Variants in DNAH11 observed in about 807,000 individuals in gnomAD.
DNAH11 encodes the protein dynein axonemal heavy chain 11.
DNAH11 carries 442 observed loss-of-function variants against 526.0 expected under a neutral mutation model. The observed-to-expected ratio is 0.84, with a 90% CI of 0.78 to 0.91. The LOEUF is 0.91. Among genes scored for constraint, DNAH11 ranks in the 40% least tolerant of loss-of-function variants. The pLI is 0.00. For missense variants in DNAH11, 6,989 were observed against 5,448.7 expected (o/e 1.28, Z -8.90); for synonymous variants, 2,461 against 1,935.9 (o/e 1.27, Z -7.12).
chr7:21,591,709 A>C, intron 14 of DNAH11, 132 bp downstream of exon 14: 1 of 912,326 alleles, frequency 1.1e-6, no homozygotes, highest in Non-Finnish European at 1.5e-6. Context: ...ATTATTAGGC[A>C]TTTAAAGTGG....
At position 21,559,768 on chromosome 7, in the gene DNAH11, A is replaced by G. The variant is rs185273259; in HGVS notation, c.858A>G (p.Glu286=). 1,538 of 1,603,446 alleles carry G rather than the reference A, an allele frequency of 9.6e-4. 16 individuals carry two copies. The African/African-American group carries it at 0.019, about 20-fold the overall frequency. ...AELDFWMMRR[E]NLSCIYDQLQ... ...TAGATTTCTGGATGATGAGGAGAGA[A>G]AATCTGTCATGCATTTATGATCAAG... Residue 286 remains glutamate, a synonymous_variant, in exon 4 of 82, where the codon GAA becomes GAG. Transcript: ENST00000409508.
chr7:21,823,135 C>T (rs777341264), intron 65 of DNAH11, among the ~76,000 whole-genome samples: 1 of 151,872 alleles, frequency 6.6e-6, no homozygotes, highest in African/African-American at 2.4e-5. Flanking sequence ...GATGTAATCC[C>T]ATTTGTATAT....
Position 21,901,576 on chromosome 7 carries a change from AAAAAGTACATCAT to A in DNAH11, c.*337_*349del, listed in dbSNP as rs768893569. 376 of 188,104 alleles carry A rather than the reference AAAAAGTACATCAT, an allele frequency of 2.0e-3. 1 individual carries two copies. Among genetic ancestry groups the A allele is most frequent in the African/African-American group, 6.6e-3 (285 of 42,868 alleles). 11.7% of individuals were successfully genotyped at this position (188,104 alleles called of 1,614,324 possible). On this transcript the variant is annotated 3_prime_UTR_variant, in exon 82 of 82. Coordinates refer to ENST00000409508, the MANE Select transcript of DNAH11 (RefSeq NM_001277115.2). ...AGAACAAGACTCCATCTCAAAAAAA[AAAAAGTACATCAT>A]AAAAGTACATCATATGTGAACATGC...
rs542461023 is a variant in DNAH11 at position 21,763,377 on chromosome 7, A to G, written c.8941-2051A>G. 5.3e-4 allele frequency among the ~76,000 whole-genome samples: 80 copies of G among 151,572 alleles called. 1 individual carries two copies. Among genetic ancestry groups the G allele is most frequent in the African/African-American group, 1.9e-3 (78 of 41,392 alleles). On this transcript the variant is annotated intron_variant, in intron 54 of 81. Coordinates refer to ENST00000409508, the MANE Select transcript of DNAH11 (RefSeq NM_001277115.2). ...AAAAAGAAAAAAAAAAAGACTTACA[A>G]ATATCCAACAGGTATAGGAAAAGAT...
intron 2 of DNAH11, among the ~76,000 whole-genome samples, chr7:21,550,372 G>A (rs6975556): frequency 0.66 from 100,789 of 151,842 alleles, 35,299 homozygotes; most frequent in East Asian, 0.95. Context: ...CCTAAGGGAT[G>A]ACAGGGTGGA....
At chr7:21,626,116 T>C (rs907002078) in intron 25 of DNAH11, among the ~76,000 whole-genome samples, 2 of 152,166 alleles carry the variant, frequency 1.3e-5, no homozygotes, top group African/African-American at 4.8e-5. Flanking sequence ...CAATAGATTA[T>C]TGTAAACTGT....
chr7:21,611,992 A>G (rs1056058809), intron 20 of DNAH11, among the ~76,000 whole-genome samples: 3 of 152,196 alleles, frequency 2.0e-5, no homozygotes, highest in Non-Finnish European at 4.4e-5. Flanking sequence ...CTCTGGTGAA[A>G]TCATCAAGGG....
Position 21,743,417 on chromosome 7 carries a change from T to A in DNAH11, c.8155-1021T>A, listed in dbSNP as rs372378296. Among the ~76,000 whole-genome samples, 221 of 152,312 alleles carry A rather than the reference T, an allele frequency of 1.5e-3. 1 individual carries two copies. Among genetic ancestry groups the A allele is most frequent in the African/African-American group, 4.9e-3 (205 of 41,578 alleles). On this transcript the variant is annotated intron_variant, in intron 49 of 81. Transcript: ENST00000409508. ...GACTTAGGAAATTCTGAAGGGGAAA[T>A]TGAAAGTCTGGAATTATTTTTTTAA...
intron 45 of DNAH11, among the ~76,000 whole-genome samples, chr7:21,733,110 G>C (rs924933833): frequency 6.6e-6 from 1 of 152,230 alleles, no homozygotes; most frequent in African/African-American, 2.4e-5. Context: ...GGGAAGGCCA[G>C]GTGCAGTGAC....
chr7:21,578,041 C>A lies in DNAH11; in HGVS notation c.1594-3864C>A, dbSNP rs112770055. On this transcript the variant is annotated intron_variant, in intron 8 of 81. Transcript: ENST00000409508. The stretch of plus-strand genomic sequence containing the variant: ...TAACTGGGAGGCCTCAGGAAACTTA[C>A]AATCATGATGGAAGATGAAGGGGAA... Among the ~76,000 whole-genome samples, 783 of 152,052 alleles carry A rather than the reference C, an allele frequency of 5.1e-3. 15 individuals are homozygous for A. The highest frequency in any genetic ancestry group is 0.018 in the African/African-American group (744 of 41,508).
chr7:21,642,054 C>T (rs1787154246), intron 28 of DNAH11, among the ~76,000 whole-genome samples: 1 of 152,098 alleles, frequency 6.6e-6, no homozygotes, highest in Non-Finnish European at 1.5e-5. Context: ...CCTGTGGCCA[C>T]AGTATAAACA....
At chr7:21,788,431 G>A (rs183853834) in intron 60 of DNAH11, among the ~76,000 whole-genome samples, 3 of 151,994 alleles carry the variant, frequency 2.0e-5, no homozygotes, top group Admixed American at 6.5e-5. Context: ...GTTGATGTAC[G>A]GCCTCTCTGC....
intron 66 of DNAH11, 27 bp downstream of exon 66, chr7:21,842,775 A>G: frequency 2.6e-6 from 4 of 1,559,702 alleles, no homozygotes; most frequent in South Asian, 1.2e-5. Flanking sequence ...CACCACCAAC[A>G]CTTAGTCGGC....
chr7:21,665,267 C>T (rs939514063), intron 30 of DNAH11, among the ~76,000 whole-genome samples: 11 of 152,054 alleles, frequency 7.2e-5, no homozygotes, highest in African/African-American at 9.7e-5. Context: ...TGTCCATGTT[C>T]ATTTAATATA....
At chr7:21,601,748 A>G in intron 18 of DNAH11, 130 bp downstream of exon 18, 1 of 641,436 alleles carries the variant, frequency 1.6e-6, no homozygotes, top group Non-Finnish European at 2.3e-6. Context: ...TTTTCAATTT[A>G]CAGGTTAGGA....
At chr7:21,723,397 T>C (rs1348586105) in intron 44 of DNAH11, among the ~76,000 whole-genome samples, 1 of 152,210 alleles carries the variant, frequency 6.6e-6, no homozygotes. Context: ...AGGACCTATG[T>C]TCTTCAGCCA....
rs113796405 is a variant in DNAH11 at position 21,562,484 on chromosome 7, T to G, written c.982+1314T>G. On this transcript the variant is annotated intron_variant, in intron 5 of 81. Coordinates refer to ENST00000409508, the MANE Select transcript of DNAH11 (RefSeq NM_001277115.2). The stretch of plus-strand genomic sequence containing the variant: ...TCTGTGTTAGCATAAGATGAAAATT[T>G]TCTCTGGCTACAGATTCTGCAGGAA... Among the ~76,000 whole-genome samples, 711 of 152,234 alleles carry G rather than the reference T, an allele frequency of 4.7e-3. 8 individuals are homozygous for G. The highest frequency in any genetic ancestry group is 0.016 in the African/African-American group (670 of 41,534).
chr7:21,776,135 C>T (rs868222012), intron 56 of DNAH11, among the ~76,000 whole-genome samples: 1 of 152,094 alleles, frequency 6.6e-6, no homozygotes, highest in African/African-American at 2.4e-5. Flanking sequence ...ACGGGAGGGC[C>T]GATTCACTAT....
At position 21,894,879 on chromosome 7, in the gene DNAH11, G is replaced by T. The variant is rs1460692653; in HGVS notation, c.12934-5G>T. ...TCACTGTGTGGCTTTTTTTCTCCAT[G>T]CAAGGGGGAATTGGCATTATCTCCT... On this transcript the variant is annotated splice_polypyrimidine_tract_variant and splice_region_variant and intron_variant, in intron 78 of 81. Coordinates refer to ENST00000409508, the MANE Select transcript of DNAH11 (RefSeq NM_001277115.2). The T allele has an allele frequency of 5.0e-6, 8 of 1,613,434 alleles. No homozygotes were observed. Among genetic ancestry groups the T allele is most frequent in the Non-Finnish European group, 6.8e-6 (8 of 1,179,734 alleles).
Sources: gnomAD v4.1 joint callset for allele counts (sites outside exome capture counted in the v4.1 genomes callset) on GRCh38, gnomAD v4.1.1 for gene constraint, MANE v1.5 for transcripts, NCBI Gene and HGNC (gene_info 2026-07-23, HGNC 2026-07-21) for gene names.